CNTNAP5: variants seen among roughly 807,000 people sequenced by gnomAD.
CNTNAP5 encodes contactin associated protein family member 5.
Under a neutral mutation model 150.2 loss-of-function variants are expected in CNTNAP5, and 72 were observed. The observed-to-expected ratio is 0.48, with a 90% CI of 0.40 to 0.58. The LOEUF is 0.58. Among genes scored for constraint, CNTNAP5 ranks in the 20% least tolerant of loss-of-function variants. The pLI is 0.00. For missense variants in CNTNAP5, 1,636 were observed against 1,626.2 expected, an observed-to-expected ratio of 1.01 and a Z score of -0.10; for synonymous variants, 672 against 619.8, an observed-to-expected ratio of 1.08 and a Z score of -1.25.
chr2:124,572,867 T>C (rs952377013), intron 11 of CNTNAP5, among the ~76,000 whole-genome samples: 3 of 152,222 alleles, frequency 2.0e-5, no homozygotes, highest in Non-Finnish European at 4.4e-5. Context: ...TGAGCGGACC[T>C]TTTGCAGCTA....
intron 2 of CNTNAP5, 58 bp downstream of exon 2, chr2:124,221,867 G>T: frequency 9.3e-7 from 1 of 1,072,872 alleles, no homozygotes; most frequent in Non-Finnish European, 1.4e-6. Context: ...TGGTGGGTAG[G>T]TGAAGGAGAG....
intron 19 of CNTNAP5, among the ~76,000 whole-genome samples, chr2:124,851,752 T>C (rs571226591): frequency 3.9e-5 from 6 of 152,136 alleles, no homozygotes; most frequent in Admixed American, 3.9e-4. Flanking sequence ...AATAGGTGAA[T>C]GGATAGGAGA....
At chr2:124,624,493 A>T (rs1677679325) in intron 12 of CNTNAP5, among the ~76,000 whole-genome samples, 1 of 151,412 alleles carries the variant, frequency 6.6e-6, no homozygotes. Flanking sequence ...TTCCTCATTT[A>T]TTTTTTCAGG....
At chr2:124,892,918 T>C (rs868755393) in intron 21 of CNTNAP5, among the ~76,000 whole-genome samples, 12 of 152,238 alleles carry the variant, frequency 7.9e-5, no homozygotes, top group Middle Eastern at 3.4e-3. Flanking sequence ...TAAGCGATCA[T>C]CACGCATTAT....
intron 21 of CNTNAP5, among the ~76,000 whole-genome samples, chr2:124,870,546 T>G (rs528211552): frequency 2.6e-4 from 40 of 152,244 alleles, no homozygotes; most frequent in Non-Finnish European, 4.1e-4. Context: ...ACTTGTAAAG[T>G]TGGATTTTGT....
chr2:124,675,370 G>A (rs894760242), intron 13 of CNTNAP5, among the ~76,000 whole-genome samples: 4 of 151,888 alleles, frequency 2.6e-5, no homozygotes, highest in African/African-American at 9.7e-5. Context: ...ATCTCATATA[G>A]ACAACATATT....
At chr2:124,423,027 T>C (rs1262798400) in intron 4 of CNTNAP5, among the ~76,000 whole-genome samples, 1 of 152,174 alleles carries the variant, frequency 6.6e-6, no homozygotes, top group East Asian at 1.9e-4. Flanking sequence ...CTAAGGATTT[T>C]AAATGAAATC....
chr2:124,220,723 A>T (rs1226059562), intron 1 of CNTNAP5, among the ~76,000 whole-genome samples: 4 of 152,084 alleles, frequency 2.6e-5, no homozygotes, highest in Non-Finnish European at 5.9e-5. Flanking sequence ...CGAGAATGAG[A>T]GAGAGAACCC....
At chr2:124,909,423 G>T (rs1283960363) in intron 22 of CNTNAP5, among the ~76,000 whole-genome samples, 1 of 152,114 alleles carries the variant, frequency 6.6e-6, no homozygotes, top group African/African-American at 2.4e-5. Context: ...CACACTCTAT[G>T]ATTTCCACAC....
intron 3 of CNTNAP5, among the ~76,000 whole-genome samples, chr2:124,263,887 C>G (rs968436276): frequency 6.6e-6 from 1 of 152,250 alleles, no homozygotes; most frequent in African/African-American, 2.4e-5. Context: ...TTTCCCAGCA[C>G]CATTTATTAA....
intron 19 of CNTNAP5, among the ~76,000 whole-genome samples, chr2:124,801,878 AG>A (rs1305344784): frequency 6.6e-6 from 1 of 152,180 alleles, no homozygotes; most frequent in Non-Finnish European, 1.5e-5. Context: ...GGTTTATTAG[AG>A]GTTGCAAAAA....
intron 19 of CNTNAP5, among the ~76,000 whole-genome samples, chr2:124,855,784 T>G (rs1402867791): frequency 6.6e-6 from 1 of 152,118 alleles, no homozygotes; most frequent in Non-Finnish European, 1.5e-5. Context: ...TCTTTAGTGG[T>G]GATTTCTGAA....
chr2:124,400,742 C>T (rs2104758164), intron 3 of CNTNAP5, among the ~76,000 whole-genome samples: 1 of 125,198 alleles, frequency 8.0e-6, no homozygotes, highest in South Asian at 2.5e-4. Context: ...GAGGGTATTT[C>T]AGTCTTTTCC....
chr2:124,894,416 A>C (rs1457871390), intron 21 of CNTNAP5, among the ~76,000 whole-genome samples: 1 of 151,602 alleles, frequency 6.6e-6, no homozygotes, highest in Non-Finnish European at 1.5e-5. Flanking sequence ...AAACCAGTAC[A>C]CATGAGTCAT....
At chr2:124,279,443 G>A in intron 3 of CNTNAP5, among the ~76,000 whole-genome samples, 1 of 151,980 alleles carries the variant, frequency 6.6e-6, no homozygotes, top group Non-Finnish European at 1.5e-5. Flanking sequence ...TCATATAACA[G>A]AGGTAATGAT....
chr2:124,255,878 T>G (rs2104785911), intron 3 of CNTNAP5, among the ~76,000 whole-genome samples: 1 of 152,310 alleles, frequency 6.6e-6, no homozygotes, highest in East Asian at 1.9e-4. Flanking sequence ...TAGTAGGTAC[T>G]CAATAAATGC....
At chr2:124,821,246 A>T (rs1682485378) in intron 19 of CNTNAP5, among the ~76,000 whole-genome samples, 1 of 152,244 alleles carries the variant, frequency 6.6e-6, no homozygotes, top group African/African-American at 2.4e-5. Flanking sequence ...AAAACTAAGG[A>T]GAAAAAGAGC....
intron 1 of CNTNAP5, among the ~76,000 whole-genome samples, chr2:124,164,159 T>C (rs1684754679): frequency 6.6e-6 from 1 of 152,192 alleles, no homozygotes; most frequent in African/African-American, 2.4e-5. Context: ...GTGTGTTCAG[T>C]GCAGACTTAG....
intron 2 of CNTNAP5, among the ~76,000 whole-genome samples, chr2:124,227,508 C>A (rs1312809532): frequency 6.6e-6 from 1 of 151,952 alleles, no homozygotes; most frequent in Non-Finnish European, 1.5e-5. Flanking sequence ...TTTTAATTCC[C>A]AGGGAATAGT....
Sources: allele counts gnomAD v4.1 joint callset (sites outside exome capture counted in the v4.1 genomes callset), GRCh38; gene constraint gnomAD v4.1.1; transcripts MANE v1.5; gene names NCBI Gene and HGNC (gene_info 2026-07-23, HGNC 2026-07-21).